SLC17A1: variants seen among roughly 807,000 people sequenced by gnomAD.
The protein encoded by SLC17A1 is solute carrier family 17 member 1, also known as sodium-dependent phosphate transport protein 1.
SLC17A1 carries 51 observed loss-of-function variants against 53.5 expected under a neutral mutation model. The ratio of observed to expected loss-of-function variants is 0.95; its 90% confidence interval spans 0.76 to 1.20. SLC17A1 has a LOEUF of 1.20. Ranked by LOEUF, SLC17A1 falls within the 50% of genes most tolerant of loss-of-function variation. The probability of loss-of-function intolerance (pLI) is 0.00; values close to 1 mark genes in which losing one functional copy is unlikely to be tolerated. For synonymous variants in SLC17A1, 179 were observed against 198.8 expected (o/e 0.90, Z 0.84); for missense variants, 538 against 568.2 (o/e 0.95, Z 0.54).
intron 2 of SLC17A1, among the ~76,000 whole-genome samples, chr6:25,828,292 A>G (rs1421232170): frequency 6.6e-6 from 1 of 152,158 alleles, no homozygotes; most frequent in Non-Finnish European, 1.5e-5. Context: ...TTTGGGCTGT[A>G]TCCTCTGTGC....
intron 12 of SLC17A1, among the ~76,000 whole-genome samples, chr6:25,788,846 C>T (rs1454674407): frequency 6.6e-6 from 1 of 152,132 alleles, no homozygotes; most frequent in East Asian, 1.9e-4. Flanking sequence ...AACATTAATC[C>T]TAATAGGAGC....
At chr6:25,723,823 C>T in the SLC17A1 span, among the ~76,000 whole-genome samples, 1 of 152,090 alleles carries the variant, frequency 6.6e-6, no homozygotes, top group African/African-American at 2.4e-5. Context: ...GTCAATATCA[C>T]CATTTTTATT....
the SLC17A1 span, among the ~76,000 whole-genome samples, chr6:25,751,302 T>C: frequency 6.6e-6 from 1 of 152,234 alleles, no homozygotes; most frequent in South Asian, 2.1e-4. Context: ...AAGTATATTT[T>C]GTGTGCAGAA....
chr6:25,770,482 C>T, the SLC17A1 span: 2 of 1,612,560 alleles, frequency 1.2e-6, no homozygotes, highest in South Asian at 1.1e-5. Flanking sequence ...GTAACTGGTA[C>T]CCTAAACCTC....
the SLC17A1 span, among the ~76,000 whole-genome samples, chr6:25,766,665 C>T: frequency 6.6e-6 from 1 of 152,186 alleles, no homozygotes; most frequent in Non-Finnish European, 1.5e-5. Context: ...CCTCCATGGC[C>T]TTCCTCTCAA....
chr6:25,828,647 T>A (rs1764836515), intron 2 of SLC17A1, among the ~76,000 whole-genome samples: 1 of 152,050 alleles, frequency 6.6e-6, no homozygotes, highest in Non-Finnish European at 1.5e-5. Flanking sequence ...CTTTATAATT[T>A]TCATAAGACT....
At chr6:25,793,718 G>A (rs1286049248) in intron 12 of SLC17A1, among the ~76,000 whole-genome samples, 1 of 152,094 alleles carries the variant, frequency 6.6e-6, no homozygotes, top group African/African-American at 2.4e-5. Flanking sequence ...TCCAGGGTCT[G>A]TGAATTTACA....
chr6:25,821,943 G>T (rs562334110), intron 3 of SLC17A1, among the ~76,000 whole-genome samples: 70 of 152,062 alleles, frequency 4.6e-4, no homozygotes, highest in African/African-American at 1.6e-3. Flanking sequence ...ATTTATAAGA[G>T]AACAAAATGG....
chr6:25,780,673 C>G (rs1763247050), downstream of SLC17A1: 1 of 152,164 alleles, frequency 6.6e-6, no homozygotes, highest in Admixed American at 6.6e-5. Context: ...AGGAAGTGTC[C>G]TGGTTTTCAA....
the SLC17A1 span, chr6:25,768,858 A>C: frequency 2.6e-5 from 23 of 870,180 alleles, no homozygotes; most frequent in Non-Finnish European, 4.0e-5. Context: ...ACACACCTAC[A>C]GAGGAATGTC....
At chr6:25,762,013 T>C in the SLC17A1 span, 39,341 of 1,613,818 alleles carry the variant, frequency 0.024, 610 homozygotes, top group Non-Finnish European at 0.026. Flanking sequence ...TTTCCAGTGA[T>C]GGCAATTTAA....
chr6:25,811,637 C>T lies in SLC17A1; in HGVS notation c.1030+1G>A, dbSNP rs534609693. ...GCTTAAATGTTCTGGCTGTTGCTTA[C>T]CTGCTGCTGTGAAGAGTTTCCGGAC... is the stretch of plus-strand genomic sequence containing the variant. On this transcript the variant is annotated splice_donor_variant, in intron 9 of 12. Coordinates refer to ENST00000244527, the MANE Select transcript of SLC17A1 (RefSeq NM_005074.5). LOFTEE classifies it high-confidence loss of function. The T allele has an allele frequency of 1.4e-5, 22 of 1,613,914 alleles. No individual in the cohort carries two copies. In the South Asian group the frequency reaches 2.4e-4, roughly 18 times the overall value.
chr6:25,739,784 G>A, the SLC17A1 span, among the ~76,000 whole-genome samples: 5 of 152,154 alleles, frequency 3.3e-5, no homozygotes, highest in Non-Finnish European at 7.4e-5. Flanking sequence ...GGTTTGGGAT[G>A]GTGAGGCTGA....
intron 3 of SLC17A1, among the ~76,000 whole-genome samples, chr6:25,820,170 C>T (rs1169014975): frequency 3.3e-5 from 5 of 152,220 alleles, no homozygotes. Context: ...CCTTTCACAG[C>T]ATAGACATTT....
rs114909788 is a variant in SLC17A1 at position 25,798,328 on chromosome 6, C to G, written c.*2+455G>C. On this transcript the variant is annotated intron_variant, in intron 12 of 12. Coordinates refer to ENST00000244527, the MANE Select transcript of SLC17A1 (RefSeq NM_005074.5). ...ACCTTAAAGGACTCTTTGTCTCCAT[C>G]ATTCATTTGAAAATCATTTTAGTCA... 6.8e-3 allele frequency among the ~76,000 whole-genome samples: 1,030 copies of G among 152,310 alleles called. 8 individuals are homozygous for G. The highest frequency in any genetic ancestry group is 0.022 in the African/African-American group (894 of 41,552).
At chr6:25,775,418 C>A in the SLC17A1 span, among the ~76,000 whole-genome samples, 1 of 151,456 alleles carries the variant, frequency 6.6e-6, no homozygotes, top group African/African-American at 2.4e-5. Flanking sequence ...AATGATAATT[C>A]TTTCTATGTC....
In SLC17A1 at chr6:25,814,990, AACACACAC is replaced by A. The variant is rs56723023; in HGVS notation, c.617-1785_617-1778del. On this transcript the variant is annotated intron_variant, in intron 6 of 12. Coordinates refer to ENST00000244527, the MANE Select transcript of SLC17A1 (RefSeq NM_005074.5). ...GACAAAAGCAAGACTCTGTCACACA[AACACACAC>A]ACACACACACACACACACACACACA... is the stretch of plus-strand genomic sequence containing the variant. Among the ~76,000 whole-genome samples, 282 of 51,588 alleles carry A rather than the reference AACACACAC, an allele frequency of 5.5e-3. 5 individuals are homozygous for A. The highest frequency in any genetic ancestry group is 0.018 in the East Asian group (15 of 822). 33.8% of individuals were successfully genotyped at this position (51,588 alleles called of 152,430 possible).
At chr6:25,727,401 T>TG in the SLC17A1 span, 1 of 880,456 alleles carries the variant, frequency 1.1e-6, no homozygotes, top group Non-Finnish European at 1.6e-6. Flanking sequence ...CCGTAAGGGT[T>TG]TTTTTTTTTT....
At chr6:25,758,428 C>T in the SLC17A1 span, among the ~76,000 whole-genome samples, 25 of 152,280 alleles carry the variant, frequency 1.6e-4, no homozygotes, top group Admixed American at 5.9e-4. Context: ...CATGTAAACA[C>T]CAAAGACAAA....
Sources: allele counts gnomAD v4.1 joint callset (sites outside exome capture counted in the v4.1 genomes callset), GRCh38; gene constraint gnomAD v4.1.1; transcripts MANE v1.5; gene names NCBI Gene and HGNC (gene_info 2026-07-23, HGNC 2026-07-21).